The following KISS1 variants were observed in gnomAD, a reference collection of about 807,000 sequenced individuals.
KISS1 encodes metastasis-suppressor KiSS-1.
For missense variants in KISS1, 182 were observed against 182.7 expected (o/e 1.00, Z 0.02); for synonymous variants, 97 against 88.7 (o/e 1.09, Z -0.52).
At chr1:204,195,185 TGCACACACACACCACACAC>T in intron 1 of KISS1, among the ~76,000 whole-genome samples, 1 of 4,796 alleles carries the variant, frequency 2.1e-4, no homozygotes, top group Non-Finnish European at 5.1e-4. Flanking sequence ...ACACCACACA[TGCACACACACACCACACAC>T]ATATATACGC....
chr1:204,195,844 A>G (rs1658849629), intron 1 of KISS1, among the ~76,000 whole-genome samples: 1 of 152,204 alleles, frequency 6.6e-6, no homozygotes, highest in South Asian at 2.1e-4. Context: ...CCTGCTGTAG[A>G]CAATTTTTGT....
chr1:204,195,264 ACACACACATACAC>A (rs1558254683), intron 1 of KISS1, among the ~76,000 whole-genome samples: 120 of 9,294 alleles, frequency 0.013, 1 homozygote, highest in Middle Eastern at 0.1. Context: ...CACATCATAC[ACACACACATACAC>A]CACACACACC....
chr1:204,193,194 C>G (rs572975901), intron 1 of KISS1, among the ~76,000 whole-genome samples: 1 of 152,260 alleles, frequency 6.6e-6, no homozygotes, highest in South Asian at 2.1e-4. Flanking sequence ...AAAGGAAAGA[C>G]CCAATTTGGT....
chr1:204,192,735 A>G lies in KISS1; in HGVS notation c.103+39T>C, dbSNP rs1658768674. The G allele has an allele frequency of 7.7e-7, 1 of 1,299,974 alleles. No homozygotes were observed. The highest frequency in any genetic ancestry group is 2.4e-5 in the East Asian group (1 of 41,840). 80.5% of individuals were successfully genotyped at this position (1,299,974 alleles called of 1,614,324 possible). On this transcript the variant is annotated intron_variant, in intron 2 of 2. Transcript: ENST00000367194. The surrounding 1 kb of genome is among the most constrained non-coding windows in gnomAD (Gnocchi z 4.2). ...GGGAAAGCTCATTTTGCAACAACCCACTTGCTCCCTCCCACTCCTTTCCCC... is the reference window on the plus strand; with the variant it reads ...GGGAAAGCTCATTTTGCAACAACCCGCTTGCTCCCTCCCACTCCTTTCCCC...
intron 2 of KISS1, among the ~76,000 whole-genome samples, chr1:204,191,355 C>A (rs983950392): frequency 1.3e-5 from 2 of 151,380 alleles, no homozygotes; most frequent in Non-Finnish European, 2.9e-5. Context: ...ACCACCCACC[C>A]CCCCAACCCC....
rs1658708473 is a variant in KISS1, at chr1:204,190,345, T to C, written c.*139A>G. 1 of 907,636 alleles carries C rather than the reference T, an allele frequency of 1.1e-6. No individual in the cohort carries two copies. 56.2% of individuals were successfully genotyped at this position (907,636 alleles called of 1,614,324 possible). A position where few individuals can be genotyped will look rare whatever the true frequency, so the allele number is the denominator to read the frequency against. ...GAGCCGCAGACCACACGTCAGTGAG[T>C]TACGCAACATTTCTTTTATTGCCTC... On this transcript the variant is annotated 3_prime_UTR_variant, in exon 3 of 3. Transcript: ENST00000367194.
intron 2 of KISS1, among the ~76,000 whole-genome samples, chr1:204,191,865 A>C (rs914284863): frequency 6.6e-6 from 1 of 152,168 alleles, no homozygotes; most frequent in African/African-American, 2.4e-5. Flanking sequence ...ACCTCACCTA[A>C]AGCCTTTTGC....
intron 1 of KISS1, among the ~76,000 whole-genome samples, chr1:204,196,045 G>A (rs1171768850): frequency 6.6e-6 from 1 of 152,178 alleles, no homozygotes; most frequent in Non-Finnish European, 1.5e-5. Flanking sequence ...AGAGCCCCGA[G>A]CGGTTCCCTA....
At position 204,192,391 on chromosome 1, in the gene KISS1, G is replaced by GT. The variant is rs1349159302; in HGVS notation, c.103+382_103+383insA. 3.7e-5 allele frequency among the ~76,000 whole-genome samples: 5 copies of GT among 136,936 alleles called. No homozygotes were observed. In the East Asian group the frequency reaches 9.8e-4, roughly 27 times the overall value. 89.8% of individuals were successfully genotyped at this position (136,936 alleles called of 152,430 possible). ...TATCAAATATCTGCCCTTTGGTTTAGGTTTTTTTTTTTTTCCAAATTCTCC... is the reference window on the plus strand; with the variant it reads ...TATCAAATATCTGCCCTTTGGTTTAGTGTTTTTTTTTTTTTCCAAATTCTCC... On this transcript the variant is annotated intron_variant, in intron 2 of 2. Coordinates refer to ENST00000367194, the MANE Select transcript of KISS1 (RefSeq NM_002256.4). This position sits in a 1 kb window ranked among gnomAD's most constrained non-coding sequence, Gnocchi z 4.2.
rs1132112 is a variant in KISS1 at position 204,190,763 on chromosome 1, G to C, written c.138C>G (p.Pro46=). 9.3e-6 allele frequency: 15 copies of C among 1,611,332 alleles called. No homozygotes were observed. In the Admixed American group the frequency reaches 1.0e-4, roughly 11 times the overall value. ...CGGTGCACGGCAGGCTCTGCTCCCC[G>C]GGGGCCAGGAGGCCCAGGGATTCTA... ...QQLESLGLLA[P]GEQSLPCTER... is the part of the protein sequence containing the mutation. Residue 46 remains proline, a synonymous_variant, in exon 3 of 3, where the codon CCC becomes CCG. Coordinates refer to ENST00000367194, the MANE Select transcript of KISS1 (RefSeq NM_002256.4).
In KISS1 at chr1:204,190,378, A is replaced by G; in HGVS notation, c.*106T>C. The G allele has an allele frequency of 8.6e-7, 1 of 1,157,476 alleles. No homozygotes were observed. The highest frequency in any genetic ancestry group is 1.2e-6 in the Non-Finnish European group (1 of 804,678). 71.7% of individuals were successfully genotyped at this position (1,157,476 alleles called of 1,614,324 possible). Reference sequence around the variant, plus strand: ...CATTTCTTTTATTGCCTCGGGTTGGAAGCTCCAGCGCCCCCTCCCTTAGCC... The same window carrying G: ...CATTTCTTTTATTGCCTCGGGTTGGGAGCTCCAGCGCCCCCTCCCTTAGCC... On this transcript the variant is annotated 3_prime_UTR_variant, in exon 3 of 3. Coordinates refer to ENST00000367194, the MANE Select transcript of KISS1 (RefSeq NM_002256.4).
rs1658763152 is a variant in KISS1, at chr1:204,192,527, T to C, written c.103+247A>G. On this transcript the variant is annotated intron_variant, in intron 2 of 2. Transcript: ENST00000367194. This position sits in a 1 kb window ranked among gnomAD's most constrained non-coding sequence, Gnocchi z 4.2. ...CAGAGAACACAGTGTGAGGAAACCA[T>C]GAAAGAGCTCAAGGGTTAATAAGCC... Among the ~76,000 whole-genome samples the C allele has an allele frequency of 6.6e-6, 1 of 151,876 alleles. No individual in the cohort carries two copies. Among genetic ancestry groups the C allele is most frequent in the Non-Finnish European group, 1.5e-5 (1 of 68,002 alleles).
In KISS1 at chr1:204,192,897, C is replaced by CCTGCCT; in HGVS notation, c.-22_-21insAGGCAG. The CCTGCCT allele has an allele frequency of 6.7e-7, 1 of 1,487,072 alleles. No homozygotes were observed. The highest frequency in any genetic ancestry group is 9.3e-7 in the Non-Finnish European group (1 of 1,081,024). The allele number at this position is 1,487,072 out of a possible 1,614,324, so 92.1% of individuals were successfully genotyped here. A position where few individuals can be genotyped will look rare whatever the true frequency, so the allele number is the denominator to read the frequency against. On this transcript the variant is annotated 5_prime_UTR_variant, in exon 2 of 3. Coordinates refer to ENST00000367194, the MANE Select transcript of KISS1 (RefSeq NM_002256.4). The surrounding 1 kb of genome is among the most constrained non-coding windows in gnomAD (Gnocchi z 4.2). ...TTCATCTTGGTGAGAAGAGGCAGGT[C>CCTGCCT]CTAGAAGTGCCTTGAGGCTGAGACA...
intron 1 of KISS1, among the ~76,000 whole-genome samples, chr1:204,195,715 TCACACACACACACACACACACA>T (rs36226771): frequency 6.9e-6 from 1 of 144,824 alleles, no homozygotes; most frequent in Non-Finnish European, 1.5e-5. Flanking sequence ...TACACACATA[TCACACACACACACACACACACA>T]CACACACACA....
intron 1 of KISS1, among the ~76,000 whole-genome samples, chr1:204,195,423 C>A (rs1658837984): frequency 1.3e-5 from 2 of 150,422 alleles, no homozygotes; most frequent in African/African-American, 2.5e-5. Context: ...ACACCACACA[C>A]ACATATACAC....
intron 2 of KISS1, among the ~76,000 whole-genome samples, chr1:204,191,307 C>T (rs1411163617): frequency 7.2e-5 from 11 of 152,176 alleles, no homozygotes; most frequent in African/African-American, 2.4e-4. Context: ...TGGCCCCACA[C>T]ACCTGTGTTC....
chr1:204,194,977 C>A (rs1372632247), intron 1 of KISS1, among the ~76,000 whole-genome samples: 2 of 151,990 alleles, frequency 1.3e-5, no homozygotes, highest in Admixed American at 1.3e-4. Context: ...GTTCTCTGTG[C>A]GGAAGCAGGG....
Position 204,190,487 on chromosome 1 carries a change from G to A in KISS1, c.414C>T (p.Gly138=). 6.7e-7 allele frequency: 1 copy of A among 1,502,820 alleles called. No homozygotes were observed. Among genetic ancestry groups the A allele is most frequent in the South Asian group, 1.1e-5 (1 of 88,380 alleles). The allele number at this position is 1,502,820 out of a possible 1,614,324, so 93.1% of individuals were successfully genotyped here. A position where few individuals can be genotyped will look rare whatever the true frequency, so the allele number is the denominator to read the frequency against. ...PGNHGRSAGR[G] is the part of the protein sequence containing the mutation. Reference sequence around the variant, plus strand: ...TCACTGCCCCGCACCTGCGCCCTCAGCCCCGCCCAGCGCTTCTGCCGTGGT... The same window carrying A: ...TCACTGCCCCGCACCTGCGCCCTCAACCCCGCCCAGCGCTTCTGCCGTGGT... Residue 138 remains glycine, a synonymous_variant, in exon 3 of 3, where the codon GGC becomes GGT. Coordinates refer to ENST00000367194, the MANE Select transcript of KISS1 (RefSeq NM_002256.4).
At chr1:204,195,220 C>CA (rs112214869) in intron 1 of KISS1, among the ~76,000 whole-genome samples, 4 of 1,706 alleles carry the variant, frequency 2.3e-3, no homozygotes, top group East Asian at 0.012. Context: ...TACGCACACA[C>CA]CCATACACAT....
Sources: gnomAD v4.1 joint callset for allele counts (sites outside exome capture counted in the v4.1 genomes callset) on GRCh38, gnomAD v4.1.1 for gene constraint, Gnocchi (gnomAD v3.1) non-coding constraint, MANE v1.5 for transcripts, NCBI Gene and HGNC (gene_info 2026-07-23, HGNC 2026-07-21) for gene names.